Variants in DGKB observed in about 807,000 individuals in gnomAD.
DGKB encodes 90 kDa diacylglycerol kinase.
In DGKB, 67 loss-of-function variants were observed where a neutral mutation model predicts 114.3. The observed-to-expected ratio is 0.59, with a 90% confidence interval of 0.48 to 0.72. DGKB has a LOEUF of 0.72. DGKB is among the 30% of genes least tolerant of loss of function. The pLI is 0.00. For missense variants in DGKB, 907 were observed against 975.2 expected, an observed-to-expected ratio of 0.93 and a Z score of 0.93; for synonymous variants, 398 against 323.1, an observed-to-expected ratio of 1.23 and a Z score of -2.49.
intron 23 of DGKB, among the ~76,000 whole-genome samples, chr7:14,202,135 C>T (rs899242127): frequency 1.3e-5 from 2 of 152,034 alleles, no homozygotes; most frequent in African/African-American, 4.8e-5. Flanking sequence ...TTATATTTAT[C>T]TAGCTCTGTT....
At chr7:14,960,777 A>G (rs1007387620) in intron 1 of DGKB, among the ~76,000 whole-genome samples, 5 of 152,056 alleles carry the variant, frequency 3.3e-5, no homozygotes, top group South Asian at 2.1e-4. Flanking sequence ...TCTGACATCA[A>G]TGTGAATACT....
intron 1 of DGKB, among the ~76,000 whole-genome samples, chr7:14,883,925 C>T (rs1259401885): frequency 6.6e-6 from 1 of 151,958 alleles, no homozygotes; most frequent in African/African-American, 2.4e-5. Context: ...TAAATAGGTG[C>T]TTCCATCACC....
At chr7:14,307,973 T>C (rs1400792548) in intron 23 of DGKB, among the ~76,000 whole-genome samples, 1 of 152,068 alleles carries the variant, frequency 6.6e-6, no homozygotes, top group Non-Finnish European at 1.5e-5. Flanking sequence ...AAGAACCTTT[T>C]TAAATAAAAA....
At chr7:14,665,311 A>G (rs909527442) in intron 13 of DGKB, among the ~76,000 whole-genome samples, 5 of 151,944 alleles carry the variant, frequency 3.3e-5, no homozygotes, top group African/African-American at 1.2e-4. Context: ...GTTCTCACTT[A>G]TAAATGAGAG....
At chr7:14,324,458 A>G (rs1430087977) in intron 23 of DGKB, among the ~76,000 whole-genome samples, 1 of 151,340 alleles carries the variant, frequency 6.6e-6, no homozygotes, top group South Asian at 2.1e-4. Flanking sequence ...AAAAAAAAAA[A>G]AAAAGAAAGA....
chr7:14,604,230 G>A (rs1804065797), intron 17 of DGKB, among the ~76,000 whole-genome samples: 1 of 151,980 alleles, frequency 6.6e-6, no homozygotes, highest in Non-Finnish European at 1.5e-5. Context: ...AGATAGAATG[G>A]AAACACATAA....
chr7:14,896,785 C>G (rs943139580), intron 1 of DGKB, among the ~76,000 whole-genome samples: 15 of 151,712 alleles, frequency 9.9e-5, no homozygotes, highest in African/African-American at 3.6e-4. Flanking sequence ...AGTTTGAACG[C>G]AGAAAGTAAG....
At chr7:14,358,988 A>C (rs1815158780) in intron 21 of DGKB, among the ~76,000 whole-genome samples, 1 of 152,294 alleles carries the variant, frequency 6.6e-6, no homozygotes, top group African/African-American at 2.4e-5. Flanking sequence ...CTGCCTTGCA[A>C]AGACAATCCA....
chr7:14,405,753 A>G (rs904405224), intron 21 of DGKB, among the ~76,000 whole-genome samples: 1 of 152,042 alleles, frequency 6.6e-6, no homozygotes, highest in African/African-American at 2.4e-5. Flanking sequence ...GAAACCAGGC[A>G]CAGCTTTTAA....
At chr7:14,180,921 T>A (rs772401370) in intron 23 of DGKB, among the ~76,000 whole-genome samples, 8 of 152,184 alleles carry the variant, frequency 5.3e-5, no homozygotes, top group Non-Finnish European at 8.8e-5. Flanking sequence ...ATCAACCTAT[T>A]TAATTGGTTT....
At chr7:14,896,432 G>C (rs1022941303) in intron 1 of DGKB, among the ~76,000 whole-genome samples, 1 of 151,298 alleles carries the variant, frequency 6.6e-6, no homozygotes, top group African/African-American at 2.4e-5. Flanking sequence ...ATCTTACAAA[G>C]TGTTTATAAT....
chr7:14,162,563 G>C (rs569539529), intron 25 of DGKB, among the ~76,000 whole-genome samples: 1 of 152,166 alleles, frequency 6.6e-6, no homozygotes, highest in South Asian at 2.1e-4. Context: ...TCCTACATGA[G>C]AATATGATTA....
At chr7:14,912,456 G>A (rs1784047394) in intron 1 of DGKB, among the ~76,000 whole-genome samples, 1 of 152,126 alleles carries the variant, frequency 6.6e-6, no homozygotes, top group South Asian at 2.1e-4. Flanking sequence ...TTCACTGGGG[G>A]ACTGGTTGGG....
At chr7:14,391,402 G>T (rs1194162116) in intron 21 of DGKB, among the ~76,000 whole-genome samples, 2 of 151,890 alleles carry the variant, frequency 1.3e-5, no homozygotes. Flanking sequence ...GATAAGGGAG[G>T]CCAGACATGG....
rs1820525055 is a variant in DGKB at position 14,679,830 on chromosome 7, T to C, written c.1035+2723A>G. Among the ~76,000 whole-genome samples, 9 of 152,116 alleles carry C rather than the reference T, an allele frequency of 5.9e-5. No individual in the cohort carries two copies. The South Asian group carries it at 1.9e-3, about 32-fold the overall frequency. ...TGGTTCAATAGAAAACTATAAATAC[T>C]ACTAAATACATAAATGTTCTGAGGT... is the stretch of plus-strand genomic sequence containing the variant. On this transcript the variant is annotated intron_variant, in intron 12 of 25. Coordinates refer to ENST00000402815, the MANE Select transcript of DGKB (RefSeq NM_001350709.2).
intron 1 of DGKB, among the ~76,000 whole-genome samples, chr7:14,886,542 G>T (rs1040128545): frequency 6.6e-6 from 1 of 151,882 alleles, no homozygotes; most frequent in Non-Finnish European, 1.5e-5. Context: ...GGCCACTCTT[G>T]ACTTTTCTAC....
intron 1 of DGKB, among the ~76,000 whole-genome samples, chr7:14,973,628 C>T (rs1262934307): frequency 1.4e-5 from 2 of 147,012 alleles, no homozygotes; most frequent in African/African-American, 5.0e-5. Context: ...CTTTGGGTGT[C>T]TCTAGCACCA....
At chr7:14,469,862 CTT>C (rs1280545358) in intron 21 of DGKB, among the ~76,000 whole-genome samples, 3 of 151,746 alleles carry the variant, frequency 2.0e-5, no homozygotes, top group Non-Finnish European at 2.9e-5. Flanking sequence ...AATGAAAACT[CTT>C]AGCAAATATA....
At chr7:14,499,757 A>C (rs564058278) in intron 20 of DGKB, among the ~76,000 whole-genome samples, 1 of 152,012 alleles carries the variant, frequency 6.6e-6, no homozygotes, top group East Asian at 1.9e-4. Flanking sequence ...CAAGTAGTGG[A>C]GAAATCAAAT....
Sources: allele counts gnomAD v4.1 joint callset (sites outside exome capture counted in the v4.1 genomes callset), GRCh38; gene constraint gnomAD v4.1.1; transcripts MANE v1.5; gene names NCBI Gene and HGNC (gene_info 2026-07-23, HGNC 2026-07-21).